Variants in SDK1 observed in about 807,000 individuals in gnomAD.
SDK1 encodes sidekick cell adhesion molecule 1.
In SDK1, 157 loss-of-function variants were observed where a neutral mutation model predicts 245.5. That is an observed-to-expected ratio of 0.64 (90% CI 0.56 to 0.73). SDK1 has a LOEUF of 0.73. Ranked by LOEUF, SDK1 falls within the 30% of genes least tolerant of loss-of-function variation. The pLI is 0.00. For synonymous variants in SDK1, 1,647 were observed against 1,278.5 expected, an observed-to-expected ratio of 1.29 and a Z score of -6.15; for missense variants, 3,583 against 3,002.3, an observed-to-expected ratio of 1.19 and a Z score of -4.52.
intron 17 of SDK1, among the ~76,000 whole-genome samples, chr7:4,044,184 T>G (rs754857240): frequency 4.6e-5 from 7 of 152,208 alleles, no homozygotes; most frequent in Non-Finnish European, 7.3e-5. Context: ...GTGCACACGT[T>G]GGCGCCATGG....
At chr7:3,871,137 A>C (rs2115133719) in intron 5 of SDK1, among the ~76,000 whole-genome samples, 1 of 143,882 alleles carries the variant, frequency 7.0e-6, no homozygotes, top group South Asian at 2.2e-4. Context: ...ATTTATACCT[A>C]AGTATTTCTT....
chr7:3,987,769 C>T (rs1005200819), intron 14 of SDK1, among the ~76,000 whole-genome samples: 2 of 152,164 alleles, frequency 1.3e-5, no homozygotes, highest in East Asian at 3.9e-4. Context: ...GACCCCTCTG[C>T]CCATTTACCG....
intron 22 of SDK1, among the ~76,000 whole-genome samples, chr7:4,083,306 T>C (rs527270910): frequency 6.6e-6 from 1 of 151,832 alleles, no homozygotes; most frequent in South Asian, 2.1e-4. Flanking sequence ...CTGCTTCCTG[T>C]CACTATAGGT....
chr7:3,446,708 C>A (rs1381575143), intron 1 of SDK1, among the ~76,000 whole-genome samples: 1 of 152,044 alleles, frequency 6.6e-6, no homozygotes, highest in South Asian at 2.1e-4. Flanking sequence ...AATTATTATT[C>A]TATTTGAATT....
At chr7:3,428,737 T>C (rs893998624) in intron 1 of SDK1, among the ~76,000 whole-genome samples, 20 of 152,178 alleles carry the variant, frequency 1.3e-4, no homozygotes, top group Admixed American at 6.5e-5. Flanking sequence ...CCTGACCTTA[T>C]CTGAGGTTAT....
intron 1 of SDK1, among the ~76,000 whole-genome samples, chr7:3,551,321 T>A (rs1039471561): frequency 1.3e-5 from 2 of 152,178 alleles, no homozygotes; most frequent in African/African-American, 4.8e-5. Context: ...TTTTTGATAT[T>A]TGAAATAAAC....
Position 3,953,913 on chromosome 7 carries a change from G to C in SDK1, c.1150+1993G>C, listed in dbSNP as rs1465920426. Reference sequence around the variant, plus strand: ...ACACTGCAAAAACCCTGAAGAGAGTGTCTGTGTCAATTCCGAGGGATTTGG... The same window carrying C: ...ACACTGCAAAAACCCTGAAGAGAGTCTCTGTGTCAATTCCGAGGGATTTGG... On this transcript the variant is annotated intron_variant, in intron 7 of 44. Coordinates refer to ENST00000404826, the MANE Select transcript of SDK1 (RefSeq NM_152744.4). Among the ~76,000 whole-genome samples, 3 of 152,274 alleles carry C rather than the reference G, an allele frequency of 2.0e-5. No homozygotes were observed. In the East Asian group the frequency reaches 5.8e-4, roughly 29 times the overall value.
At chr7:3,411,325 C>T (rs938904802) in intron 1 of SDK1, among the ~76,000 whole-genome samples, 2 of 152,150 alleles carry the variant, frequency 1.3e-5, no homozygotes, top group African/African-American at 4.8e-5. Context: ...CAGTTGGAGT[C>T]ACATTTTGGT....
intron 5 of SDK1, among the ~76,000 whole-genome samples, chr7:3,877,962 G>A (rs75455964): frequency 3.3e-5 from 5 of 152,172 alleles, no homozygotes; most frequent in East Asian, 3.9e-4. Context: ...GAGTACATTC[G>A]TTGAAGTAAA....
chr7:4,090,944 G>C (rs1781750987), intron 22 of SDK1, among the ~76,000 whole-genome samples: 1 of 152,140 alleles, frequency 6.6e-6, no homozygotes. Flanking sequence ...AGTATGCTCA[G>C]TATATTTATT....
chr7:3,737,355 G>A (rs559360244), intron 4 of SDK1, among the ~76,000 whole-genome samples: 1 of 152,368 alleles, frequency 6.6e-6, no homozygotes, highest in East Asian at 1.9e-4. Flanking sequence ...TCTGAACTCT[G>A]TGCCCTGGGT....
intron 1 of SDK1, among the ~76,000 whole-genome samples, chr7:3,392,972 TTTTTTTTTC>T (rs1354029377): frequency 1.3e-4 from 18 of 135,406 alleles, no homozygotes; most frequent in Admixed American, 8.1e-4. Flanking sequence ...TTTTTTTTTT[TTTTTTTTTC>T]TTTTTTGAGA....
At chr7:3,354,717 C>G (rs1780747334) in intron 1 of SDK1, among the ~76,000 whole-genome samples, 1 of 152,194 alleles carries the variant, frequency 6.6e-6, no homozygotes. Flanking sequence ...TTAAATAGCC[C>G]TGCTAGCTAA....
chr7:3,751,180 C>G (rs1036525478), intron 4 of SDK1, among the ~76,000 whole-genome samples: 1 of 152,208 alleles, frequency 6.6e-6, no homozygotes, highest in African/African-American at 2.4e-5. Flanking sequence ...ACAGGACATT[C>G]AAGCCCTTAC....
chr7:3,764,133 A>G (rs1019072029), intron 4 of SDK1, among the ~76,000 whole-genome samples: 3 of 152,102 alleles, frequency 2.0e-5, no homozygotes, highest in East Asian at 1.9e-4. Flanking sequence ...TTATAATTCT[A>G]CTTTGGCATT....
intron 4 of SDK1, among the ~76,000 whole-genome samples, chr7:3,783,369 A>C (rs1238445133): frequency 6.6e-6 from 1 of 152,158 alleles, no homozygotes. Context: ...GTAGTTAGGC[A>C]AGAAAAATAA....
rs933140139 is a variant in SDK1 at position 4,110,555 on chromosome 7, C to T, written c.3325-108C>T. 2.0e-5 allele frequency: 15 copies of T among 766,642 alleles called. No homozygotes were observed. In the African/African-American group the frequency reaches 2.6e-4, roughly 13 times the overall value. The allele number at this position is 766,642 out of a possible 1,614,324, so 47.5% of individuals were successfully genotyped here. ...CAACTTGTCCCAGGTGTGGGGACGC[C>T]TTGCAGCCCTGCCCAGCTCACCAGG... On this transcript the variant is annotated intron_variant, in intron 22 of 44. Transcript: ENST00000404826.
At chr7:3,349,724 CGAGTGGCTGGGCCTACA>C (rs1049594232) in intron 1 of SDK1, among the ~76,000 whole-genome samples, 2 of 152,098 alleles carry the variant, frequency 1.3e-5, no homozygotes, top group Non-Finnish European at 2.9e-5. Flanking sequence ...CTCAGCCTCC[CGAGTGGCTGGGCCTACA>C]GGCACCTGCC....
intron 4 of SDK1, among the ~76,000 whole-genome samples, chr7:3,772,668 C>G (rs1462860400): frequency 1.3e-5 from 2 of 152,090 alleles, no homozygotes; most frequent in Non-Finnish European, 2.9e-5. Flanking sequence ...TTACTGAAAT[C>G]TTTATTTCTT....
Sources: allele counts gnomAD v4.1 joint callset (sites outside exome capture counted in the v4.1 genomes callset), GRCh38; gene constraint gnomAD v4.1.1; transcripts MANE v1.5; gene names NCBI Gene and HGNC (gene_info 2026-07-23, HGNC 2026-07-21).